TNRC6B: variants seen among roughly 807,000 people sequenced by gnomAD.
TNRC6B encodes trinucleotide repeat-containing gene 6B protein.
Under a neutral mutation model 203.6 loss-of-function variants are expected in TNRC6B, and 52 were observed. The ratio of observed to expected loss-of-function variants is 0.26; its 90% confidence interval spans 0.20 to 0.32. The LOEUF is 0.32. Among genes scored for constraint, TNRC6B ranks in the 10% least tolerant of loss-of-function variants. TNRC6B has a pLI of 1.00. For missense variants in TNRC6B, 1,923 were observed against 2,286.2 expected, an observed-to-expected ratio of 0.84 and a Z score of 3.24; for synonymous variants, 838 against 845.7, an observed-to-expected ratio of 0.99 and a Z score of 0.16.
intron 1 of TNRC6B, among the ~76,000 whole-genome samples, chr22:40,075,137 C>CAT (rs200861275): frequency 0.018 from 1,102 of 59,574 alleles, 49 homozygotes; most frequent in East Asian, 0.036. Context: ...TGGTTCTGTT[C>CAT]ATATATATAT....
intron 15 of TNRC6B, among the ~76,000 whole-genome samples, chr22:40,304,670 C>T (rs2071067993): frequency 6.6e-6 from 1 of 152,074 alleles, no homozygotes; most frequent in Non-Finnish European, 1.5e-5. Context: ...GTGTTGGTTA[C>T]CGTGGATATC....
At chr22:40,167,837 T>G (rs532157102) in intron 4 of TNRC6B, among the ~76,000 whole-genome samples, 1 of 152,126 alleles carries the variant, frequency 6.6e-6, no homozygotes, top group East Asian at 1.9e-4. Flanking sequence ...GAGCCATGAT[T>G]GTAGCCGGGG....
At chr22:40,188,648 A>C (rs922233946) in intron 1 of TNRC6B, among the ~76,000 whole-genome samples, 7 of 152,128 alleles carry the variant, frequency 4.6e-5, no homozygotes, top group Non-Finnish European at 7.3e-5. Flanking sequence ...CTGCTTACCG[A>C]AAATAATTGC....
At chr22:40,276,245 G>T (rs1196440256) in intron 7 of TNRC6B, among the ~76,000 whole-genome samples, 1 of 151,888 alleles carries the variant, frequency 6.6e-6, no homozygotes, top group Admixed American at 6.6e-5. Flanking sequence ...TACTCGGGAG[G>T]CTGAGGCAGG....
intron 1 of TNRC6B, among the ~76,000 whole-genome samples, chr22:40,183,932 T>C (rs184472152): frequency 2.4e-4 from 37 of 152,290 alleles, no homozygotes; most frequent in African/African-American, 8.9e-4. Context: ...CCTGACCTTG[T>C]GATTCACCTG....
chr22:40,253,592 C>T, intron 3 of TNRC6B: 1 of 456,242 alleles, frequency 2.2e-6, no homozygotes, highest in Non-Finnish European at 4.4e-6. Flanking sequence ...CTACCTCCCA[C>T]CACTCCAATC....
At chr22:40,203,883 G>A (rs1187325519) in intron 1 of TNRC6B, among the ~76,000 whole-genome samples, 1 of 152,188 alleles carries the variant, frequency 6.6e-6, no homozygotes, top group South Asian at 2.1e-4. Context: ...TCCAGCATCG[G>A]CGTGGGCCTC....
At position 40,046,196 on chromosome 22, in the gene TNRC6B, G is replaced by A. The variant is rs528904105; in HGVS notation, c.-121+1198G>A. Among the ~76,000 whole-genome samples the A allele has an allele frequency of 3.3e-5, 5 of 152,324 alleles. No homozygotes were observed. In the South Asian group the frequency reaches 1.0e-3, roughly 32 times the overall value. On this transcript the variant is annotated intron_variant, in intron 1 of 23. Coordinates refer to the TNRC6B transcript ENST00000301923. ...GCTGTGGGAGATTTCAGTAGTATAAGGTTTCTCTTGATTTGGAGAATCATC... is the reference window on the plus strand; with the variant it reads ...GCTGTGGGAGATTTCAGTAGTATAAAGTTTCTCTTGATTTGGAGAATCATC...
At chr22:40,253,693 A>C (rs1229496371) in intron 3 of TNRC6B, 1 of 456,464 alleles carries the variant, frequency 2.2e-6, no homozygotes, top group Admixed American at 2.3e-5. Context: ...TAAAAATACC[A>C]GTTGTCCCTG....
intron 1 of TNRC6B, among the ~76,000 whole-genome samples, chr22:40,097,641 A>ACT (rs1274626261): frequency 6.7e-6 from 1 of 148,162 alleles, no homozygotes; most frequent in Non-Finnish European, 1.5e-5. Flanking sequence ...GTCTTGCCAG[A>ACT]CTTTTCTCCA....
rs752034718 is a variant in TNRC6B, at chr22:40,322,828, A to G, written c.5115-26A>G. On this transcript the variant is annotated intron_variant, in intron 22 of 22. Coordinates refer to ENST00000454349, the MANE Select transcript of TNRC6B (RefSeq NM_001162501.2). The stretch of plus-strand genomic sequence containing the variant: ...GCTTTAGGATTTTCCTGAGATCCAT[A>G]GCTCTCTTTCCCTCCCTTCTTCCAG... 50 of 1,612,932 alleles carry G rather than the reference A, an allele frequency of 3.1e-5. No homozygotes were observed. The South Asian group carries it at 5.5e-4, about 18-fold the overall frequency.
intron 1 of TNRC6B, among the ~76,000 whole-genome samples, chr22:40,189,917 CAAAA>C (rs1432435464): frequency 1.3e-5 from 2 of 151,976 alleles, no homozygotes; most frequent in Non-Finnish European, 2.9e-5. Flanking sequence ...AAAATTTTAA[CAAAA>C]AAGTAGAATG....
chr22:40,107,474 C>A (rs2068295717), intron 1 of TNRC6B, among the ~76,000 whole-genome samples: 1 of 151,944 alleles, frequency 6.6e-6, no homozygotes, highest in South Asian at 2.1e-4. Flanking sequence ...ATGATCTGTC[C>A]CGTCTTGTTA....
intron 3 of TNRC6B, among the ~76,000 whole-genome samples, chr22:40,260,600 G>A (rs189291228): frequency 1.7e-4 from 26 of 152,284 alleles, no homozygotes; most frequent in African/African-American, 5.8e-4. Context: ...GCCCATCTAG[G>A]CCAGGGGCTT....
At chr22:40,072,805 A>C (rs1220285245) in intron 1 of TNRC6B, among the ~76,000 whole-genome samples, 1 of 140,402 alleles carries the variant, frequency 7.1e-6, no homozygotes, top group African/African-American at 2.7e-5. Flanking sequence ...CGGAGGTTGC[A>C]GTGAGCCAAG....
At chr22:40,174,843 T>G (rs1007974968), upstream of TNRC6B, among the ~76,000 whole-genome samples, 77 of 152,032 alleles carry the variant, frequency 5.1e-4, no homozygotes, top group Admixed American at 8.5e-4. Flanking sequence ...AAAAAAAAAT[T>G]TATTTCTTTG....
intron 1 of TNRC6B, among the ~76,000 whole-genome samples, chr22:40,216,551 G>A (rs930716129): frequency 2.6e-5 from 4 of 152,138 alleles, no homozygotes; most frequent in Admixed American, 6.5e-5. Flanking sequence ...CGCAGAGGTT[G>A]TAGTGAGTCT....
intron 3 of TNRC6B, among the ~76,000 whole-genome samples, chr22:40,149,093 C>T (rs186904820): frequency 5.9e-5 from 9 of 152,286 alleles, no homozygotes; most frequent in East Asian, 5.8e-4. Context: ...TTCATAGCAG[C>T]TTTATTTGCA....
chr22:40,071,052 G>A (rs2067942575), intron 1 of TNRC6B, among the ~76,000 whole-genome samples: 1 of 152,176 alleles, frequency 6.6e-6, no homozygotes, highest in Non-Finnish European at 1.5e-5. Context: ...GTAAGGGACT[G>A]TAGACTATTT....
Sources: allele counts gnomAD v4.1 joint callset (sites outside exome capture counted in the v4.1 genomes callset), GRCh38; gene constraint gnomAD v4.1.1; transcripts MANE v1.5; gene names NCBI Gene and HGNC (gene_info 2026-07-23, HGNC 2026-07-21).